The following METTL6 variants were observed in gnomAD, a reference collection of about 807,000 sequenced individuals.
The protein encoded by METTL6 is methyltransferase 6, tRNA N3-cytidine.
In METTL6, 22 loss-of-function variants were observed where a neutral mutation model predicts 26.4. That is an observed-to-expected ratio of 0.83 (90% confidence interval 0.59 to 1.19). The LOEUF (loss-of-function observed/expected upper bound fraction) is 1.19. METTL6 is among the 50% of genes most tolerant of loss of function. The pLI, the probability that METTL6 is intolerant of heterozygous loss-of-function variation, is 0.00. For missense variants in METTL6, 304 were observed against 324.8 expected, an observed-to-expected ratio of 0.94 and a Z score of 0.49; for synonymous variants, 109 against 116.2, an observed-to-expected ratio of 0.94 and a Z score of 0.40.
chr3:15,426,236 C>T, intron 2 of METTL6, 51 bp downstream of exon 2: 1 of 1,566,774 alleles, frequency 6.4e-7, no homozygotes, highest in Non-Finnish European at 8.7e-7. Flanking sequence ...ATGGCACCCT[C>T]TTCACATTTT....
At position 15,426,304 on chromosome 3, in the gene METTL6, G is replaced by C. The variant is rs2061721693; in HGVS notation, c.208C>G (p.Leu70Val). 2.5e-6 allele frequency: 4 copies of C among 1,613,930 alleles called. No individual in the cohort carries two copies. Among genetic ancestry groups the C allele is most frequent in the Non-Finnish European group, 3.4e-6 (4 of 1,179,948 alleles). Residue 70 changes from leucine (L) to valine (V), a missense_variant, in exon 2 of 6, where the codon CTA becomes GTA. Physicochemically the swap from Leu to Val is conservative, Grantham distance 32. Transcript: ENST00000383790. ...RHWTTREFEE[L>V]RSCREFEDQK... ...TAGCTTACCTCTCTACATGATCTTAGCTCCTCAAACTCTCTGGTGGTCCAG... is the reference window on the plus strand; with the variant it reads ...TAGCTTACCTCTCTACATGATCTTACCTCCTCAAACTCTCTGGTGGTCCAG...
Position 15,392,351 on chromosome 3 carries a change from T to C in METTL6, c.*12-8164A>G, listed in dbSNP as rs528119116. 7.4e-3 allele frequency among the ~76,000 whole-genome samples: 1,129 copies of C among 152,240 alleles called. 15 individuals are homozygous for C. Among genetic ancestry groups the C allele is most frequent in the African/African-American group, 0.026 (1,063 of 41,522 alleles). ...GCCCACTTGTTGATGGGGTTGTTTT[T>C]TTTCTTGTAAATTTGTTTGAGTTCA... On this transcript the variant is annotated intron_variant, in intron 6 of 6. Transcript: ENST00000443029.
intron 6 of METTL6, among the ~76,000 whole-genome samples, chr3:15,402,189 A>G (rs1365901638): frequency 6.6e-6 from 1 of 152,192 alleles, no homozygotes; most frequent in African/African-American, 2.4e-5. Context: ...GAGAAACTGC[A>G]CTGGGGAGAG....
chr3:15,414,228 T>C, intron 4 of METTL6, 66 bp from the exon 5 acceptor site: 1 of 1,547,654 alleles, frequency 6.5e-7, no homozygotes, highest in Non-Finnish European at 8.7e-7. Flanking sequence ...CTGATTAAGT[T>C]AGGACTTAAA....
downstream of METTL6, among the ~76,000 whole-genome samples, chr3:15,407,518 G>A (rs2124950117): frequency 6.6e-6 from 1 of 152,296 alleles, no homozygotes; most frequent in African/African-American, 2.4e-5. Flanking sequence ...TTTCTCTGAA[G>A]TCATTCTTAC....
chr3:15,419,688 T>C (rs28624335), intron 3 of METTL6, among the ~76,000 whole-genome samples: 2,032 of 152,290 alleles, frequency 0.013, 24 homozygotes, highest in African/African-American at 0.026. Context: ...TCTATTAAAA[T>C]ATAAATGAGC....
intron 5 of METTL6, among the ~76,000 whole-genome samples, chr3:15,412,344 G>C (rs1264101487): frequency 6.6e-6 from 1 of 152,218 alleles, no homozygotes; most frequent in Non-Finnish European, 1.5e-5. Context: ...CTCGTACTAA[G>C]AGCATTGCTC....
Position 15,427,521 on chromosome 3 carries a change from G to GC in METTL6, c.-245dup. The GC allele has an allele frequency of 1.9e-6, 1 of 527,344 alleles. No individual in the cohort carries two copies. The allele number at this position is 527,344 out of a possible 1,614,324, so 32.7% of individuals were successfully genotyped here. A position where few individuals can be genotyped will look rare whatever the true frequency, so the allele number is the denominator to read the frequency against. ...CCGGGAGTTCTTTTGCCATGGCACC[G>GC]CCCCCGCCACTTCCGCTAGGAACCC... On this transcript the variant is annotated 5_prime_UTR_variant, in exon 1 of 6. Transcript: ENST00000383790.
At chr3:15,412,250 T>C (rs1193660700) in intron 5 of METTL6, among the ~76,000 whole-genome samples, 2 of 152,108 alleles carry the variant, frequency 1.3e-5, no homozygotes, top group African/African-American at 4.8e-5. Flanking sequence ...GTGACCTAGC[T>C]CCAGGAAAAT....
At chr3:15,398,197 AT>A (rs113613716) in intron 6 of METTL6, among the ~76,000 whole-genome samples, 21,422 of 146,050 alleles carry the variant, frequency 0.15, 2,715 homozygotes, top group African/African-American at 0.35. Flanking sequence ...CAATGCTGAG[AT>A]TTTTTTTTTT....
intron 6 of METTL6, among the ~76,000 whole-genome samples, chr3:15,388,271 C>T (rs1276938241): frequency 6.6e-6 from 1 of 152,100 alleles, no homozygotes; most frequent in Admixed American, 6.6e-5. Context: ...CCACCATGCC[C>T]AGCAAATTTT....
chr3:15,392,934 G>A (rs1699389017), intron 6 of METTL6, among the ~76,000 whole-genome samples: 1 of 152,118 alleles, frequency 6.6e-6, no homozygotes, highest in African/African-American at 2.4e-5. Context: ...GTAGCGTGAT[G>A]CCTCCAGCTT....
At chr3:15,417,874 C>T (rs766480338) in intron 3 of METTL6, among the ~76,000 whole-genome samples, 6 of 152,176 alleles carry the variant, frequency 3.9e-5, no homozygotes, top group Non-Finnish European at 5.9e-5. Flanking sequence ...CTCTCCCACA[C>T]CCCACCATCG....
In METTL6 at chr3:15,425,576, T is replaced by G. The variant is rs113935214; in HGVS notation, c.226-487A>C. Reference sequence around the variant, plus strand: ...GAATTTATATTTTTGTTTTTAAAATTTTTAATGTTTAAAATTTTAAAATTC... The same window carrying G: ...GAATTTATATTTTTGTTTTTAAAATGTTTAATGTTTAAAATTTTAAAATTC... On this transcript the variant is annotated intron_variant, in intron 2 of 5. Coordinates refer to ENST00000383790, the MANE Select transcript of METTL6 (RefSeq NM_152396.4). Among the ~76,000 whole-genome samples, 1,157 of 152,348 alleles carry G rather than the reference T, an allele frequency of 7.6e-3. 23 individuals are homozygous for G. Among genetic ancestry groups the G allele is most frequent in the African/African-American group, 0.027 (1,109 of 41,586 alleles).
chr3:15,425,534 C>T (rs770031726), intron 2 of METTL6, among the ~76,000 whole-genome samples: 1 of 152,190 alleles, frequency 6.6e-6, no homozygotes, highest in Non-Finnish European at 1.5e-5. Context: ...GAATCTGTCA[C>T]TGAAGTCACT....
downstream of METTL6, among the ~76,000 whole-genome samples, chr3:15,405,392 A>AT (rs1699757794): frequency 6.6e-6 from 1 of 152,240 alleles, no homozygotes; most frequent in Non-Finnish European, 1.5e-5. Context: ...TTATGAGCTC[A>AT]TAAGTTGATC....
chr3:15,416,857 T>C (rs1274620075), intron 3 of METTL6, among the ~76,000 whole-genome samples: 4 of 152,312 alleles, frequency 2.6e-5, no homozygotes, highest in South Asian at 2.1e-4. Context: ...GAAAATTAAA[T>C]GCAAAATTAA....
chr3:15,412,603 G>A (rs1021446644), intron 5 of METTL6, among the ~76,000 whole-genome samples: 2 of 151,858 alleles, frequency 1.3e-5, no homozygotes, highest in African/African-American at 2.4e-5. Context: ...TCTTGCCTCA[G>A]CCTCCTAAGC....
intron 6 of METTL6, among the ~76,000 whole-genome samples, chr3:15,391,007 G>A (rs1287474236): frequency 1.3e-5 from 2 of 152,206 alleles, no homozygotes; most frequent in East Asian, 3.8e-4. Flanking sequence ...GATGATGCGG[G>A]AAGAAGGTGA....
Sources: allele counts gnomAD v4.1 joint callset (sites outside exome capture counted in the v4.1 genomes callset), GRCh38; gene constraint gnomAD v4.1.1; transcripts MANE v1.5; gene names NCBI Gene and HGNC (gene_info 2026-07-23, HGNC 2026-07-21).